The following ABCA13 variants were observed in gnomAD, a reference collection of about 807,000 sequenced individuals.
ABCA13 encodes the protein ATP binding cassette subfamily A member 13, also known as ATP-binding cassette sub-family A member 13.
Under a neutral mutation model 478.7 loss-of-function variants are expected in ABCA13, and 476 were observed. The observed-to-expected ratio is 0.99, with a 90% CI of 0.92 to 1.07. The LOEUF is 1.07. Ranked by LOEUF, ABCA13 falls within the 50% of genes least tolerant of loss-of-function variation. The pLI is 0.00. For missense variants in ABCA13, 6,060 were observed against 5,910.6 expected (o/e 1.03, Z -0.83); for synonymous variants, 2,252 against 2,158.9 (o/e 1.04, Z -1.20).
Position 48,219,474 on chromosome 7 carries a change from A to G in ABCA13, c.408A>G (p.Lys136=). The part of the protein sequence containing the change: ...HGMMDKAKNL[K]RLWVERSNTP... ...TGATGGACAAGGCAAAAAACTTAAA[A>G]AGACTTTGGGTAGAACGATCCAACA... The change falls in exon 4 of 62, where the codon AAA becomes AAG. Residue 136 remains lysine, a synonymous_variant. Transcript: ENST00000435803. 6.2e-7 allele frequency: 1 copy of G among 1,613,296 alleles called. No individual in the cohort carries two copies. Among genetic ancestry groups the G allele is most frequent in the South Asian group, 1.1e-5 (1 of 90,904 alleles).
At chr7:48,305,192 C>A (rs1800716480) in intron 23 of ABCA13, among the ~76,000 whole-genome samples, 1 of 152,156 alleles carries the variant, frequency 6.6e-6, no homozygotes, top group Non-Finnish European at 1.5e-5. Context: ...TATTGTCATC[C>A]CTGGTTGTAT....
intron 59 of ABCA13, among the ~76,000 whole-genome samples, chr7:48,616,712 CTT>C (rs1308354166): frequency 6.6e-6 from 1 of 152,038 alleles, no homozygotes; most frequent in African/African-American, 2.4e-5. Context: ...AAACATCAAA[CTT>C]AATAAAATTT....
At chr7:48,566,773 A>G (rs1354957224) in intron 55 of ABCA13, among the ~76,000 whole-genome samples, 2 of 152,154 alleles carry the variant, frequency 1.3e-5, no homozygotes, top group African/African-American at 4.8e-5. Context: ...CCCAAAATTC[A>G]CATAAAGAAA....
intron 48 of ABCA13, among the ~76,000 whole-genome samples, chr7:48,491,431 T>G (rs1031183594): frequency 2.0e-5 from 3 of 152,152 alleles, no homozygotes; most frequent in African/African-American, 7.2e-5. Context: ...GGGCAGAATT[T>G]CACATGGATG....
chr7:48,427,841 C>T lies in ABCA13; in HGVS notation c.12535C>T (p.His4179Tyr). The T allele has an allele frequency of 6.2e-7, 1 of 1,610,720 alleles. No individual in the cohort carries two copies. Among genetic ancestry groups the T allele is most frequent in the Non-Finnish European group, 8.5e-7 (1 of 1,178,570 alleles). ...GGGGACTGAGTCAGAGCTGCAGAAC[C>T]ACAGGCCTACAGGACATCTGTCTGG... ...ALGTESELQN[H>Y]RPTGHLSGYC... Residue 4179 changes from histidine (H) to tyrosine (Y), a missense_variant, in exon 42 of 62, where the codon CAC (histidine) becomes TAC (tyrosine). By Grantham distance (83) the His-to-Tyr change is moderately conservative. This residue lies in a region of ABCA13 where 1,627 missense variants were observed against 1,571.0 expected (regional missense o/e 1.04). Coordinates refer to ENST00000435803, the MANE Select transcript of ABCA13 (RefSeq NM_152701.5).
At chr7:48,198,392 T>C (rs1488218217) in intron 3 of ABCA13, 32 bp downstream of exon 3, 8 of 1,611,096 alleles carry the variant, frequency 5.0e-6, no homozygotes, top group Non-Finnish European at 6.8e-6. Flanking sequence ...TTTTCAGAAA[T>C]CTCAGAAAGC....
chr7:48,426,435 G>A (rs1444929809), intron 41 of ABCA13, among the ~76,000 whole-genome samples: 1 of 152,190 alleles, frequency 6.6e-6, no homozygotes, highest in Non-Finnish European at 1.5e-5. Flanking sequence ...TCTAGAGACA[G>A]TCAATCCCTT....
intron 23 of ABCA13, among the ~76,000 whole-genome samples, chr7:48,299,167 C>T (rs1041725248): frequency 6.6e-6 from 1 of 152,176 alleles, no homozygotes; most frequent in African/African-American, 2.4e-5. Flanking sequence ...CAGCTTTCAG[C>T]ACTTCTAGTT....
chr7:48,233,895 T>G, intron 7 of ABCA13, 123 bp from the exon 8 acceptor site: 1 of 1,051,412 alleles, frequency 9.5e-7, no homozygotes, highest in Non-Finnish European at 1.4e-6. Context: ...GATGCCCCAG[T>G]GGTGTTTGGT....
rs200795824 is a variant in ABCA13 at position 48,221,250 on chromosome 7, A to G, written c.440-31A>G. On this transcript the variant is annotated intron_variant, in intron 4 of 61. Coordinates refer to ENST00000435803, the MANE Select transcript of ABCA13 (RefSeq NM_152701.5). Reference sequence around the variant, plus strand: ...CATGTGCTTTTTCATTGATGATTGAACTAATATCTCTTAAACCTTCTTTAT... The same window carrying G: ...CATGTGCTTTTTCATTGATGATTGAGCTAATATCTCTTAAACCTTCTTTAT... 4 of 1,065,812 alleles carry G rather than the reference A, an allele frequency of 3.8e-6. No individual in the cohort carries two copies. The South Asian group carries it at 4.2e-5, about 11-fold the overall frequency. 66.0% of individuals were successfully genotyped at this position (1,065,812 alleles called of 1,614,324 possible).
chr7:48,388,009 T>C (rs757062881), intron 36 of ABCA13, 50 bp downstream of exon 36: 1 of 1,570,422 alleles, frequency 6.4e-7, no homozygotes, highest in Non-Finnish European at 8.6e-7. Flanking sequence ...CTTTGATCCA[T>C]TTTGATTTTT....
At chr7:48,188,456 A>T (rs2128885654) in intron 1 of ABCA13, among the ~76,000 whole-genome samples, 1 of 152,254 alleles carries the variant, frequency 6.6e-6, no homozygotes, top group Non-Finnish European at 1.5e-5. Context: ...GGTTTTGGGG[A>T]TAGTCACCAG....
chr7:48,504,030 A>C (rs1279103298), intron 48 of ABCA13, among the ~76,000 whole-genome samples: 1 of 152,238 alleles, frequency 6.6e-6, no homozygotes, highest in Admixed American at 6.5e-5. Flanking sequence ...TAAAGCTGGA[A>C]ACAAAACAAA....
chr7:48,466,199 T>C (rs1826857842), intron 43 of ABCA13, among the ~76,000 whole-genome samples: 1 of 152,224 alleles, frequency 6.6e-6, no homozygotes, highest in Admixed American at 6.5e-5. Flanking sequence ...TTTCTCTACA[T>C]TTTCTCAAGA....
intron 27 of ABCA13, among the ~76,000 whole-genome samples, chr7:48,330,072 TCCA>T (rs1805042191): frequency 1.3e-5 from 2 of 149,100 alleles, no homozygotes; most frequent in Admixed American, 1.3e-4. Flanking sequence ...CATCCATCCA[TCCA>T]TTCATCCATC....
intron 23 of ABCA13, among the ~76,000 whole-genome samples, chr7:48,308,658 C>T (rs1459811812): frequency 2.0e-5 from 3 of 151,980 alleles, no homozygotes; most frequent in African/African-American, 7.3e-5. Context: ...GGGACTACCA[C>T]CGTATATGTG....
rs573563898 is a variant in ABCA13 at position 48,179,465 on chromosome 7, G to C, written c.69+7913G>C. Among the ~76,000 whole-genome samples the C allele has an allele frequency of 1.3e-4, 20 of 152,286 alleles. No individual in the cohort carries two copies. The South Asian group carries it at 3.7e-3, about 28-fold the overall frequency. The stretch of plus-strand genomic sequence containing the variant: ...CAGCTAAGCCAGAGAGTTCCCCTGA[G>C]GGGTAGTACCTCTGCCTGGTCCTAC... On this transcript the variant is annotated intron_variant, in intron 1 of 61. Coordinates refer to ENST00000435803, the MANE Select transcript of ABCA13 (RefSeq NM_152701.5).
intron 29 of ABCA13, among the ~76,000 whole-genome samples, chr7:48,349,049 ATACTTT>A (rs1208451913): frequency 6.6e-6 from 1 of 152,206 alleles, no homozygotes; most frequent in Admixed American, 6.5e-5. Flanking sequence ...CTTAATTCCT[ATACTTT>A]AAAATGAACA....
chr7:48,229,389 G>GC (rs1562827693), intron 6 of ABCA13, among the ~76,000 whole-genome samples: 2 of 152,216 alleles, frequency 1.3e-5, no homozygotes, highest in Non-Finnish European at 2.9e-5. Context: ...ACATGGTATT[G>GC]CCCCCCAAAT....
Sources: allele counts gnomAD v4.1 joint callset (sites outside exome capture counted in the v4.1 genomes callset), GRCh38; gene constraint gnomAD v4.1.1; regional missense constraint gnomAD v4.1.1; transcripts MANE v1.5; gene names NCBI Gene and HGNC (gene_info 2026-07-23, HGNC 2026-07-21).